RABGAP1L: variants seen among roughly 807,000 people sequenced by gnomAD.
RABGAP1L encodes rab GTPase-activating protein 1-like.
A neutral mutation model predicts 137.7 loss-of-function variants in RABGAP1L; 63 were observed. The ratio of observed to expected loss-of-function variants is 0.46; its 90% CI spans 0.37 to 0.56. The LOEUF (loss-of-function observed/expected upper bound fraction) is 0.56. RABGAP1L is among the 20% of genes least tolerant of loss of function. The pLI, the probability that RABGAP1L is intolerant of heterozygous loss-of-function variation, is 0.00. For synonymous variants in RABGAP1L, 431 were observed against 433.7 expected (o/e 0.99, Z 0.08); for missense variants, 1,095 against 1,244.0 (o/e 0.88, Z 1.80).
chr1:174,867,973 C>T (rs1651565646), intron 19 of RABGAP1L, among the ~76,000 whole-genome samples: 1 of 151,004 alleles, frequency 6.6e-6, no homozygotes, highest in Non-Finnish European at 1.5e-5. Flanking sequence ...ATTGCTTAAA[C>T]TCTTTTTTTT....
chr1:174,696,341 G>T (rs1679257968), intron 15 of RABGAP1L, among the ~76,000 whole-genome samples: 1 of 152,006 alleles, frequency 6.6e-6, no homozygotes, highest in African/African-American at 2.4e-5. Context: ...GCCCTGCCTG[G>T]AGTTGGGGAA....
chr1:174,461,496 G>C (rs974961956), intron 13 of RABGAP1L, among the ~76,000 whole-genome samples: 1 of 152,138 alleles, frequency 6.6e-6, no homozygotes, highest in East Asian at 1.9e-4. Context: ...ACATCTCTCT[G>C]GTTCCTCAGA....
chr1:174,184,686 A>G (rs1476646143), intron 1 of RABGAP1L, among the ~76,000 whole-genome samples: 2 of 152,192 alleles, frequency 1.3e-5, no homozygotes. Context: ...GCAGATTAAT[A>G]TTTGCAGGTT....
intron 13 of RABGAP1L, chr1:174,547,783 T>G: frequency 7.1e-7 from 1 of 1,413,194 alleles, no homozygotes; most frequent in Non-Finnish European, 9.7e-7. Context: ...GATGCATCAG[T>G]TTATTACCTA....
chr1:174,637,617 C>A, intron 14 of RABGAP1L, 129 bp downstream of exon 14: 1 of 676,730 alleles, frequency 1.5e-6, no homozygotes, highest in South Asian at 1.9e-5. Flanking sequence ...TTTGCACACA[C>A]GCTATGAGAT....
intron 13 of RABGAP1L, among the ~76,000 whole-genome samples, chr1:174,620,359 T>C (rs1282766013): frequency 6.6e-6 from 1 of 152,226 alleles, no homozygotes. Context: ...CCACACCTAG[T>C]CCATAATTGA....
At chr1:174,557,730 GTCTAAATCCTTATAGGAATA>G (rs1424530083) in intron 13 of RABGAP1L, among the ~76,000 whole-genome samples, 1 of 152,190 alleles carries the variant, frequency 6.6e-6, no homozygotes, top group Non-Finnish European at 1.5e-5. Flanking sequence ...TAAACTGCCT[GTCTAAATCCTTATAGGAATA>G]CAGACTCATT....
chr1:174,179,023 A>T (rs1214909350), intron 1 of RABGAP1L, among the ~76,000 whole-genome samples: 1 of 152,060 alleles, frequency 6.6e-6, no homozygotes, highest in African/African-American at 2.4e-5. Flanking sequence ...ACAAAACAAA[A>T]CAATCCCAGA....
chr1:174,848,637 C>T (rs1647520841), intron 19 of RABGAP1L, among the ~76,000 whole-genome samples: 1 of 143,934 alleles, frequency 6.9e-6, no homozygotes, highest in South Asian at 2.2e-4. Flanking sequence ...TCAAAGCTGT[C>T]AGACAGGGAC....
chr1:174,290,408 A>G (rs981269014), intron 10 of RABGAP1L, among the ~76,000 whole-genome samples: 9 of 152,228 alleles, frequency 5.9e-5, no homozygotes, highest in African/African-American at 2.2e-4. Flanking sequence ...CTCTCTTGGC[A>G]TGAGGCTGTT....
chr1:174,370,871 A>C, intron 11 of RABGAP1L, 108 bp from the exon 12 acceptor site: 4 of 474,430 alleles, frequency 8.4e-6, no homozygotes, highest in African/African-American at 2.0e-5. Context: ...AATAATATGA[A>C]GAGAAGCTGG....
intron 18 of RABGAP1L, among the ~76,000 whole-genome samples, chr1:174,780,199 C>T (rs1321664617): frequency 6.6e-6 from 1 of 152,066 alleles, no homozygotes; most frequent in Non-Finnish European, 1.5e-5. Flanking sequence ...CTGCTTTTCC[C>T]ATATTTAATA....
At chr1:174,471,090 C>CA (rs1414402759) in intron 13 of RABGAP1L, among the ~76,000 whole-genome samples, 1 of 151,894 alleles carries the variant, frequency 6.6e-6, no homozygotes, top group Admixed American at 6.6e-5. Flanking sequence ...AATACAAGGG[C>CA]AGTTCAGCTA....
At chr1:174,739,096 G>A (rs1478790992) in intron 17 of RABGAP1L, among the ~76,000 whole-genome samples, 1 of 152,118 alleles carries the variant, frequency 6.6e-6, no homozygotes, top group Non-Finnish European at 1.5e-5. Flanking sequence ...GGTTACTTGG[G>A]AAAGAACTTT....
chr1:174,267,017 CTTTAG>C (rs897735820), intron 7 of RABGAP1L, among the ~76,000 whole-genome samples: 10 of 152,146 alleles, frequency 6.6e-5, no homozygotes, highest in Admixed American at 5.2e-4. Flanking sequence ...CTCCAACATC[CTTTAG>C]TTTAAGTTTC....
intron 12 of RABGAP1L, among the ~76,000 whole-genome samples, chr1:174,373,283 A>T (rs1488439011): frequency 6.6e-6 from 1 of 152,218 alleles, no homozygotes; most frequent in East Asian, 1.9e-4. Flanking sequence ...AACAGGAAGC[A>T]TGCTAAACTT....
intron 12 of RABGAP1L, among the ~76,000 whole-genome samples, chr1:174,376,191 G>GGAAAGAAAGGAA (rs1685530618): frequency 7.1e-6 from 1 of 141,134 alleles, no homozygotes; most frequent in Non-Finnish European, 1.5e-5. Flanking sequence ...AGAAAGTGAA[G>GGAAAGAAAGGAA]GAAAGAAAGG....
chr1:174,840,106 C>T (rs1693218191), intron 19 of RABGAP1L, among the ~76,000 whole-genome samples: 1 of 152,168 alleles, frequency 6.6e-6, no homozygotes, highest in African/African-American at 2.4e-5. Context: ...TTATCTAGAA[C>T]ATCAGAACAT....
chr1:174,371,025 T>C lies in RABGAP1L; in HGVS notation c.1512T>C (p.Asp504=). The change falls in exon 12 of 26, where the codon GAT becomes GAC. Residue 504 remains aspartate, a synonymous_variant. Coordinates refer to ENST00000681986, the MANE Select transcript of RABGAP1L (RefSeq NM_001366446.1). ...LSSGTGDVSK[D]CPEKILYSWG... ...GTGGAACAGGTGATGTGTCTAAGGA[T>C]TGTCCTGAGAAGATCCTGTATTCTT... 6.6e-7 allele frequency: 1 copy of C among 1,510,718 alleles called. No individual in the cohort carries two copies. The highest frequency in any genetic ancestry group is 9.0e-7 in the Non-Finnish European group (1 of 1,112,814). 93.6% of individuals were successfully genotyped at this position (1,510,718 alleles called of 1,614,324 possible).
Sources: allele counts gnomAD v4.1 joint callset (sites outside exome capture counted in the v4.1 genomes callset), GRCh38; gene constraint gnomAD v4.1.1; transcripts MANE v1.5; gene names NCBI Gene and HGNC (gene_info 2026-07-23, HGNC 2026-07-21).